TTLL8: variants seen among roughly 807,000 people sequenced by gnomAD.
TTLL8 encodes tubulin tyrosine ligase like 8, also known as protein monoglycylase TTLL8.
In TTLL8, 65 loss-of-function variants were observed where a neutral mutation model predicts 77.8. That is an observed-to-expected ratio of 0.84 (90% CI 0.68 to 1.03). The LOEUF is 1.03. Ranked by LOEUF, TTLL8 falls within the 50% of genes least tolerant of loss-of-function variation. The pLI is 0.00. For synonymous variants in TTLL8, 402 were observed against 422.8 expected (o/e 0.95, Z 0.60); for missense variants, 910 against 1,004.5 (o/e 0.91, Z 1.27).
chr22:50,050,862 G>C (rs1447963864), intron 1 of TTLL8, among the ~76,000 whole-genome samples: 1 of 152,166 alleles, frequency 6.6e-6, no homozygotes, highest in East Asian at 1.9e-4. Flanking sequence ...ACCCCTTAAA[G>C]TTGTAAGCCT....
chr22:50,049,096 G>A (rs1264173722), intron 3 of TTLL8, 153 bp downstream of exon 5: 1 of 968,184 alleles, frequency 1.0e-6, no homozygotes, highest in African/African-American at 1.8e-5. Flanking sequence ...GCCAGGCCCT[G>A]CTGCCCGGTC....
intron 12 of TTLL8, among the ~76,000 whole-genome samples, chr22:50,029,575 C>T (rs1041583119): frequency 6.6e-6 from 1 of 152,082 alleles, no homozygotes; most frequent in Admixed American, 6.5e-5. Flanking sequence ...CCCATCTCTA[C>T]TAAAAATTAG....
chr22:50,047,311 GTCTT>G lies in TTLL8; in HGVS notation c.265-19_265-16del, dbSNP rs764748035. 7.3e-7 allele frequency: 1 copy of G among 1,367,116 alleles called. No individual in the cohort carries two copies. 84.7% of individuals were successfully genotyped at this position (1,367,116 alleles called of 1,614,324 possible). A position where few individuals can be genotyped will look rare whatever the true frequency, so the allele number is the denominator to read the frequency against. ...ACCAACCTAGACTGGCAAGAAAAAA[GTCTT>G]TATTGATGCCCAGCATTCAAGGTTC... On this transcript the variant is annotated splice_polypyrimidine_tract_variant and intron_variant, in intron 3 of 13. Coordinates refer to ENST00000266182, the Ensembl canonical transcript of TTLL8.
chr22:50,029,349 C>T (rs1437769749), intron 12 of TTLL8, among the ~76,000 whole-genome samples: 1 of 125,196 alleles, frequency 8.0e-6, no homozygotes, highest in Non-Finnish European at 1.6e-5. Context: ...GACCCCATCA[C>T]ACCGTCCTAA....
At chr22:50,024,270 G>A (rs960432073) in intron 12 of TTLL8, among the ~76,000 whole-genome samples, 1 of 152,018 alleles carries the variant, frequency 6.6e-6, no homozygotes, top group Non-Finnish European at 1.5e-5. Flanking sequence ...TTTACTAGCT[G>A]GGATTACAGG....
chr22:50,045,018 C>T (rs575084010), intron 6 of TTLL8, among the ~76,000 whole-genome samples: 3 of 152,252 alleles, frequency 2.0e-5, no homozygotes, highest in Non-Finnish European at 2.9e-5. Flanking sequence ...GGGACTCGGA[C>T]GTCCCAGGGC....
chr22:50,031,135 G>C (rs1341942022), intron 11 of TTLL8, among the ~76,000 whole-genome samples: 2 of 152,150 alleles, frequency 1.3e-5, no homozygotes, highest in South Asian at 2.1e-4. Context: ...TGAGGCTTGG[G>C]GGTCAGCCTG....
At chr22:50,047,072 G>A in intron 4 of TTLL8, 96 bp downstream of exon 6, 1 of 1,282,326 alleles carries the variant, frequency 7.8e-7, no homozygotes, top group South Asian at 1.3e-5. Flanking sequence ...GGTGACTGGT[G>A]GCCACTGACC....
At chr22:50,029,597 G>A (rs1301692246) in intron 12 of TTLL8, among the ~76,000 whole-genome samples, 1 of 152,176 alleles carries the variant, frequency 6.6e-6, no homozygotes, top group Non-Finnish European at 1.5e-5. Context: ...CGGGCGCGGT[G>A]GCGGGCGCCT....
At chr22:50,028,244 G>C (rs1014158078) in intron 12 of TTLL8, among the ~76,000 whole-genome samples, 1 of 152,214 alleles carries the variant, frequency 6.6e-6, no homozygotes, top group African/African-American at 2.4e-5. Context: ...TGGTAATTTG[G>C]CACTGGGCTA....
upstream of TTLL8, chr22:50,056,954 G>C (rs530919706): frequency 3.9e-6 from 5 of 1,289,702 alleles, no homozygotes; most frequent in African/African-American, 7.6e-5. The surrounding 1 kb of genome is among the most constrained non-coding windows in gnomAD (Gnocchi z 4.1). Context: ...CCGACAGCTT[G>C]CCCTTTGCTC....
chr22:50,051,358 A>T lies in TTLL8; in HGVS notation c.52-1111T>A, dbSNP rs147770733. ...AGCTCCATCCAGGTTGCTGCAAAAG[A>T]CATTATCTGGTTCCTTCTTATGGCT... On this transcript the variant is annotated intron_variant, in intron 1 of 13. Transcript: ENST00000266182. Among the ~76,000 whole-genome samples, 599 of 152,318 alleles carry T rather than the reference A, an allele frequency of 3.9e-3. 1 individual carries two copies. Among genetic ancestry groups the T allele is most frequent in the African/African-American group, 0.014 (576 of 41,550 alleles).
intron 10 of TTLL8, 113 bp downstream of exon 11, chr22:50,033,089 C>T: frequency 2.5e-6 from 3 of 1,202,778 alleles, no homozygotes; most frequent in Non-Finnish European, 3.2e-6. Flanking sequence ...CTCGTGGTGG[C>T]AGGTGGCAGT....
In TTLL8 at chr22:50,041,490, A is replaced by T. The variant is rs1328236423; in HGVS notation, c.830+131T>A. The T allele has an allele frequency of 8.3e-7, 1 of 1,209,828 alleles. No homozygotes were observed. The highest frequency in any genetic ancestry group is 5.9e-5 in the East Asian group (1 of 16,872). 74.9% of individuals were successfully genotyped at this position (1,209,828 alleles called of 1,614,324 possible). A position where few individuals can be genotyped will look rare whatever the true frequency, so the allele number is the denominator to read the frequency against. ...CCCCAACGCCAGGACAGGCATCTCA[A>T]CACTCAATACCCCACAGGTAGCCTA... On this transcript the variant is annotated intron_variant, in intron 7 of 13. Transcript: ENST00000266182. This position sits in a 1 kb window ranked among gnomAD's most constrained non-coding sequence, Gnocchi z 4.3.
chr22:50,056,574 T>G (rs1261781923), upstream of TTLL8, among the ~76,000 whole-genome samples: 4 of 151,636 alleles, frequency 2.6e-5, no homozygotes, highest in Admixed American at 1.3e-4. The surrounding 1 kb of genome is among the most constrained non-coding windows in gnomAD (Gnocchi z 4.1). Flanking sequence ...GAGAGGCGAG[T>G]GCAGGGCCTC....
At chr22:50,045,931 C>T (rs374702907) in exon 5 of TTLL8, 125 of 1,361,460 alleles carry the variant, frequency 9.2e-5, no homozygotes, top group Middle Eastern at 6.3e-4. Flanking sequence ...TTGGCCGGGA[C>T]GTACCAGGGC....
rs755490425 is a variant in TTLL8 at position 50,041,592 on chromosome 22, C to T, written c.830+29G>A. The T allele has an allele frequency of 7.6e-7, 1 of 1,321,914 alleles. No individual in the cohort carries two copies. The highest frequency in any genetic ancestry group is 1.0e-6 in the Non-Finnish European group (1 of 998,366). The allele number at this position is 1,321,914 out of a possible 1,614,324, so 81.9% of individuals were successfully genotyped here. On this transcript the variant is annotated intron_variant, in intron 7 of 13. Coordinates refer to ENST00000266182, the Ensembl canonical transcript of TTLL8. This position sits in a 1 kb window ranked among gnomAD's most constrained non-coding sequence, Gnocchi z 4.3. Reference sequence around the variant, plus strand: ...CTGCAATCTGCACTCACAGCTCCGACATGTGCCAGGGGCCTGCGTAAGTCT... The same window carrying T: ...CTGCAATCTGCACTCACAGCTCCGATATGTGCCAGGGGCCTGCGTAAGTCT...
chr22:50,023,357 C>G (rs1014307529), intron 12 of TTLL8, among the ~76,000 whole-genome samples: 6 of 152,146 alleles, frequency 3.9e-5, no homozygotes, highest in African/African-American at 1.4e-4. Flanking sequence ...AGATTTGACA[C>G]AATCTCAATA....
intron 9 of TTLL8, 136 bp from the exon 11 acceptor site, chr22:50,033,581 T>A: frequency 5.3e-6 from 4 of 748,796 alleles, no homozygotes; most frequent in Non-Finnish European, 5.7e-6. Context: ...GGCAGCATGG[T>A]TGGTGGGGGC....
Sources: gnomAD v4.1 joint callset for allele counts (sites outside exome capture counted in the v4.1 genomes callset) on GRCh38, gnomAD v4.1.1 for gene constraint, Gnocchi (gnomAD v3.1) non-coding constraint, MANE v1.5 for transcripts, NCBI Gene and HGNC (gene_info 2026-07-23, HGNC 2026-07-21) for gene names.